The following DPYD variants were observed in gnomAD, a reference collection of about 807,000 sequenced individuals.
The protein encoded by DPYD is dihydropyrimidine dehydrogenase, also known as dihydropyrimidine dehydrogenase [NADP(+)].
DPYD carries 109 observed loss-of-function variants against 116.2 expected under a neutral mutation model. That is an observed-to-expected ratio of 0.94 (90% confidence interval 0.80 to 1.10). The LOEUF (loss-of-function observed/expected upper bound fraction) is 1.10, where lower values mean the gene tolerates loss of function less well. Ranked by LOEUF, DPYD falls within the 50% of genes least tolerant of loss-of-function variation. The pLI, the probability that DPYD is intolerant of heterozygous loss-of-function variation, is 0.00. For synonymous variants in DPYD, 440 were observed against 432.0 expected (o/e 1.02, Z -0.23); for missense variants, 1,302 against 1,254.5 (o/e 1.04, Z -0.57).
intron 11 of DPYD, among the ~76,000 whole-genome samples, chr1:97,559,179 T>G (rs545609496): frequency 3.9e-5 from 6 of 152,222 alleles, no homozygotes; most frequent in Admixed American, 6.5e-5. Context: ...GCAAACAAAA[T>G]TTTTTAAATG....
chr1:97,393,644 T>C (rs1182297406), intron 14 of DPYD, among the ~76,000 whole-genome samples: 2 of 152,154 alleles, frequency 1.3e-5, no homozygotes, highest in South Asian at 2.1e-4. Flanking sequence ...TATGGCTGCA[T>C]AGTATTCCAT....
At chr1:97,381,573 C>T (rs191591123) in intron 15 of DPYD, among the ~76,000 whole-genome samples, 75 of 152,220 alleles carry the variant, frequency 4.9e-4, no homozygotes, top group African/African-American at 1.7e-3. Flanking sequence ...GTAATTTTTC[C>T]CTTCTCAGTT....
At chr1:97,440,002 G>A (rs1013058865) in intron 14 of DPYD, among the ~76,000 whole-genome samples, 12 of 151,554 alleles carry the variant, frequency 7.9e-5, no homozygotes, top group Admixed American at 2.6e-4. Flanking sequence ...TCGGCCGGGC[G>A]CGGTGGCTCA....
chr1:97,235,287 G>A (rs1661839686), intron 18 of DPYD, among the ~76,000 whole-genome samples: 2 of 152,158 alleles, frequency 1.3e-5, no homozygotes, highest in Non-Finnish European at 2.9e-5. Context: ...CATATTACAT[G>A]CATATTACAA....
intron 11 of DPYD, among the ~76,000 whole-genome samples, chr1:97,567,653 A>C (rs1266434224): frequency 6.6e-6 from 1 of 152,144 alleles, no homozygotes; most frequent in Non-Finnish European, 1.5e-5. Context: ...ATGGGTTTTT[A>C]ATCTTAGTTA....
chr1:97,703,482 A>T (rs1661723161), intron 5 of DPYD, among the ~76,000 whole-genome samples: 1 of 152,022 alleles, frequency 6.6e-6, no homozygotes, highest in African/African-American at 2.4e-5. Context: ...CTGCCTGCCC[A>T]TATAGCAAAT....
rs535817720 is a variant in DPYD, at chr1:97,828,436, G to A, written c.151-240C>T. Among the ~76,000 whole-genome samples, 7 of 152,146 alleles carry A rather than the reference G, an allele frequency of 4.6e-5. No individual in the cohort carries two copies. The East Asian group carries it at 7.7e-4, about 17-fold the overall frequency. On this transcript the variant is annotated intron_variant, in intron 2 of 22. Transcript: ENST00000370192. ...TATCAATTTTTCAAAGTGGAGTTTC[G>A]TTATCAATTTTTCAAAGTGGATAAA...
chr1:97,757,128 TAC>T (rs1299129033), intron 3 of DPYD, among the ~76,000 whole-genome samples: 1 of 152,214 alleles, frequency 6.6e-6, no homozygotes, highest in Non-Finnish European at 1.5e-5. Flanking sequence ...ATTGTTTGAG[TAC>T]CTGTTAGGTC....
intron 14 of DPYD, among the ~76,000 whole-genome samples, chr1:97,425,185 A>G (rs997875349): frequency 6.6e-6 from 1 of 152,052 alleles, no homozygotes; most frequent in African/African-American, 2.4e-5. Context: ...CTATAAGAAA[A>G]TCAGCAGTAT....
chr1:97,576,202 A>C (rs1340338062), intron 10 of DPYD, among the ~76,000 whole-genome samples: 5 of 152,196 alleles, frequency 3.3e-5, no homozygotes, highest in African/African-American at 1.2e-4. Context: ...CATCAATATA[A>C]ACCAGTTTAT....
At chr1:97,647,349 G>C (rs1205125251) in intron 8 of DPYD, among the ~76,000 whole-genome samples, 2 of 151,934 alleles carry the variant, frequency 1.3e-5, no homozygotes, top group African/African-American at 4.8e-5. Flanking sequence ...GATGAGTACA[G>C]AGCCAAATGT....
chr1:97,111,294 T>A (rs1002419405), intron 20 of DPYD, among the ~76,000 whole-genome samples: 40 of 152,124 alleles, frequency 2.6e-4, no homozygotes, highest in African/African-American at 7.2e-5. Context: ...CTTAAAATCC[T>A]TCAATGATTT....
chr1:97,778,192 G>GAA (rs1448450998), intron 3 of DPYD, among the ~76,000 whole-genome samples: 12 of 54,178 alleles, frequency 2.2e-4, no homozygotes, highest in South Asian at 1.4e-3. Flanking sequence ...GAAAGAAAGA[G>GAA]AGAGAGAGAG....
intron 13 of DPYD, among the ~76,000 whole-genome samples, chr1:97,465,019 A>T (rs1190824371): frequency 6.6e-6 from 1 of 152,214 alleles, no homozygotes; most frequent in Non-Finnish European, 1.5e-5. Context: ...CACAGGATGG[A>T]GCTGGTGAAG....
chr1:97,230,388 C>A (rs574354121), intron 19 of DPYD, among the ~76,000 whole-genome samples: 1 of 152,180 alleles, frequency 6.6e-6, no homozygotes, highest in East Asian at 1.9e-4. Flanking sequence ...CAGGAACGGA[C>A]AACCAAATAC....
At chr1:97,312,270 TC>T (rs1667566816) in intron 16 of DPYD, among the ~76,000 whole-genome samples, 1 of 151,882 alleles carries the variant, frequency 6.6e-6, no homozygotes. Context: ...ATAATATCCC[TC>T]TTTGCTGAGG....
chr1:97,639,607 A>AT (rs1300150712), intron 8 of DPYD, among the ~76,000 whole-genome samples: 1 of 152,158 alleles, frequency 6.6e-6, no homozygotes, highest in Non-Finnish European at 1.5e-5. Flanking sequence ...GTGATGTGCT[A>AT]TATCAAATAA....
At chr1:97,195,547 AGAGAGAGAG>A in intron 19 of DPYD, among the ~76,000 whole-genome samples, 1 of 131,182 alleles carries the variant, frequency 7.6e-6, no homozygotes, top group East Asian at 2.2e-4. Flanking sequence ...AGAGAGAGAG[AGAGAGAGAG>A]AGACAGAACT....
intron 3 of DPYD, among the ~76,000 whole-genome samples, chr1:97,823,978 T>A (rs1669102927): frequency 6.6e-6 from 1 of 151,434 alleles, no homozygotes; most frequent in East Asian, 2.0e-4. Flanking sequence ...CTGAACTACT[T>A]GGGGTACTTC....
Sources: allele counts gnomAD v4.1 joint callset (sites outside exome capture counted in the v4.1 genomes callset), GRCh38; gene constraint gnomAD v4.1.1; transcripts MANE v1.5; gene names NCBI Gene and HGNC (gene_info 2026-07-23, HGNC 2026-07-21).